The following NELL1 variants were observed in gnomAD, a reference collection of about 807,000 sequenced individuals.
The protein encoded by NELL1 is neural EGFL like 1.
NELL1 carries 76 observed loss-of-function variants against 107.4 expected under a neutral mutation model. That is an observed-to-expected ratio of 0.71 (90% confidence interval 0.59 to 0.86). NELL1 has a LOEUF of 0.86. Among genes scored for constraint, NELL1 ranks in the 40% least tolerant of loss-of-function variants. The pLI, the probability that NELL1 is intolerant of heterozygous loss-of-function variation, is 0.00. For missense variants in NELL1, 1,024 were observed against 1,005.5 expected (o/e 1.02, Z -0.25); for synonymous variants, 353 against 341.2 (o/e 1.03, Z -0.38).
chr11:20,835,280 C>A (rs2134042257), intron 3 of NELL1, among the ~76,000 whole-genome samples: 1 of 152,310 alleles, frequency 6.6e-6, no homozygotes, highest in East Asian at 1.9e-4. Flanking sequence ...TATCGAGTGA[C>A]ATGTAAATTC....
At chr11:21,378,621 G>T (rs1590882685) in intron 15 of NELL1, among the ~76,000 whole-genome samples, 1 of 151,862 alleles carries the variant, frequency 6.6e-6, no homozygotes, top group East Asian at 2.0e-4. Context: ...AAGGAAGATA[G>T]TATACTTATC....
chr11:20,816,629 A>G (rs896008074), intron 3 of NELL1, among the ~76,000 whole-genome samples: 1 of 151,996 alleles, frequency 6.6e-6, no homozygotes, highest in Admixed American at 6.6e-5. Context: ...GATGCTTTTT[A>G]TTTATTTCTG....
intron 15 of NELL1, among the ~76,000 whole-genome samples, chr11:21,494,804 T>C (rs1854932489): frequency 6.6e-6 from 1 of 152,048 alleles, no homozygotes; most frequent in Non-Finnish European, 1.5e-5. Context: ...AGATAAATCT[T>C]ATAAACATTG....
At chr11:21,433,926 C>G (rs1022343222) in intron 15 of NELL1, among the ~76,000 whole-genome samples, 1 of 152,116 alleles carries the variant, frequency 6.6e-6, no homozygotes, top group Non-Finnish European at 1.5e-5. Context: ...CTGCCCGCCT[C>G]GGCCTCCCAA....
rs1564995190 is a variant in NELL1, at chr11:20,975,692, GTATGTATTATATA to G, written c.1300+15133_1300+15145del. ...ACATATTATATATGTATTATATAAT[GTATGTATTATATA>G]ATATACATATTATATATGTATTATA... On this transcript the variant is annotated intron_variant, in intron 12 of 19. Transcript: ENST00000357134. 8.0e-3 allele frequency among the ~76,000 whole-genome samples: 815 copies of G among 101,604 alleles called. 40 individuals carry two copies. Among genetic ancestry groups the G allele is most frequent in the Middle Eastern group, 0.027 (3 of 112 alleles). 66.7% of individuals were successfully genotyped at this position (101,604 alleles called of 152,430 possible). A position where few individuals can be genotyped will look rare whatever the true frequency, so the allele number is the denominator to read the frequency against.
At chr11:21,231,530 G>A (rs576609850) in intron 14 of NELL1, among the ~76,000 whole-genome samples, 2 of 152,288 alleles carry the variant, frequency 1.3e-5, no homozygotes, top group Admixed American at 1.3e-4. Flanking sequence ...GTACCTGCAT[G>A]CTAGTGCTAT....
intron 9 of NELL1, 122 bp downstream of exon 9, chr11:20,928,601 A>C: frequency 1.3e-6 from 1 of 761,776 alleles, no homozygotes; most frequent in Non-Finnish European, 2.2e-6. Context: ...AGTTGATGTA[A>C]CATTAAATAT....
chr11:20,855,515 C>T (rs1401389724), intron 4 of NELL1, among the ~76,000 whole-genome samples: 5 of 152,126 alleles, frequency 3.3e-5, no homozygotes, highest in Non-Finnish European at 7.3e-5. Flanking sequence ...ATTTCATCTA[C>T]CTGCCTTCAG....
In NELL1 at chr11:20,927,410, G is replaced by A; in HGVS notation, c.862G>A (p.Asp288Asn). 6.2e-7 allele frequency: 1 copy of A among 1,611,840 alleles called. No homozygotes were observed. The highest frequency in any genetic ancestry group is 8.5e-7 in the Non-Finnish European group (1 of 1,179,540). Residue 288 changes from aspartate to asparagine, a missense_variant, in exon 8 of 20, where the codon GAT becomes AAT. Coordinates refer to ENST00000357134, the MANE Select transcript of NELL1 (RefSeq NM_006157.5). Reference protein sequence around the residue: ...LLYRDQDSWVDGDHCRNCTCK... With the variant: ...LLYRDQDSWVNGDHCRNCTCK... ...CTATCGAGATCAAGACTCTTGGGTAGATGGTGACCATTGCAGGAACTGCAC... is the reference window on the plus strand; with the variant it reads ...CTATCGAGATCAAGACTCTTGGGTAAATGGTGACCATTGCAGGAACTGCAC...
At chr11:20,947,521 A>G (rs1035000079) in intron 11 of NELL1, 86 bp downstream of exon 11, 14 of 958,792 alleles carry the variant, frequency 1.5e-5, no homozygotes, top group Admixed American at 7.1e-5. Context: ...TAGTATGATA[A>G]TAACATGGGT....
intron 15 of NELL1, among the ~76,000 whole-genome samples, chr11:21,421,773 G>A (rs962807584): frequency 6.6e-6 from 1 of 152,034 alleles, no homozygotes; most frequent in Non-Finnish European, 1.5e-5. Context: ...TAAAAGACAT[G>A]AATAAAACTA....
intron 14 of NELL1, among the ~76,000 whole-genome samples, chr11:21,360,153 C>G (rs181698010): frequency 6.6e-5 from 10 of 152,152 alleles, no homozygotes; most frequent in African/African-American, 2.4e-4. Flanking sequence ...CTTAGCATTG[C>G]TTTTGCTGTA....
intron 14 of NELL1, among the ~76,000 whole-genome samples, chr11:21,270,944 C>T (rs992281968): frequency 2.0e-5 from 3 of 151,784 alleles, no homozygotes; most frequent in Non-Finnish European, 4.4e-5. Flanking sequence ...ACAGAAATCT[C>T]AAAAGAAATT....
intron 2 of NELL1, among the ~76,000 whole-genome samples, chr11:20,746,002 AATT>A (rs1855994448): frequency 6.6e-6 from 1 of 152,202 alleles, no homozygotes; most frequent in African/African-American, 2.4e-5. Flanking sequence ...TGTTAACTCT[AATT>A]ATTTAACTAA....
intron 12 of NELL1, among the ~76,000 whole-genome samples, chr11:20,989,359 CTA>C (rs1851922436): frequency 6.6e-6 from 1 of 152,110 alleles, no homozygotes; most frequent in South Asian, 2.1e-4. Context: ...TCAGGCCTGT[CTA>C]TTCACGCAGA....
intron 5 of NELL1, among the ~76,000 whole-genome samples, chr11:20,891,392 C>T (rs888112453): frequency 1.3e-5 from 2 of 152,168 alleles, no homozygotes; most frequent in African/African-American, 4.8e-5. Flanking sequence ...AAACTGGTAC[C>T]AGCCACTGCA....
At chr11:20,993,359 T>C (rs1852019458) in intron 12 of NELL1, among the ~76,000 whole-genome samples, 1 of 152,224 alleles carries the variant, frequency 6.6e-6, no homozygotes, top group South Asian at 2.1e-4. Flanking sequence ...TACTTGTTTG[T>C]TGACTACATG....
At chr11:20,932,343 A>C (rs142881025) in intron 9 of NELL1, among the ~76,000 whole-genome samples, 1 of 152,180 alleles carries the variant, frequency 6.6e-6, no homozygotes, top group Non-Finnish European at 1.5e-5. Flanking sequence ...TCTTCTATGC[A>C]AAACAGTATG....
At chr11:21,066,505 C>A (rs142998969) in intron 12 of NELL1, among the ~76,000 whole-genome samples, 3 of 152,134 alleles carry the variant, frequency 2.0e-5, no homozygotes, top group Non-Finnish European at 4.4e-5. Context: ...CCTTTCTCTG[C>A]GTACTTTGGG....
Sources: gnomAD v4.1 joint callset for allele counts (sites outside exome capture counted in the v4.1 genomes callset) on GRCh38, gnomAD v4.1.1 for gene constraint, MANE v1.5 for transcripts, NCBI Gene and HGNC (gene_info 2026-07-23, HGNC 2026-07-21) for gene names.